Variants in ZNF665 observed in about 807,000 individuals in gnomAD.
The protein encoded by ZNF665 is zinc finger protein 665.
ZNF665 carries 6 observed loss-of-function variants against 7.9 expected under a neutral mutation model. That is an observed-to-expected ratio of 0.76 (90% CI 0.42 to 1.50). The LOEUF is 1.50. Among genes scored for constraint, ZNF665 ranks in the 40% most tolerant of loss-of-function variants. ZNF665 has a pLI of 0.01. For synonymous variants in ZNF665, 242 were observed against 274.5 expected, an observed-to-expected ratio of 0.88 and a Z score of 1.17; for missense variants, 819 against 806.7, an observed-to-expected ratio of 1.02 and a Z score of -0.18.
chr19:53,168,341 G>A (rs1442778340), intron 3 of ZNF665, among the ~76,000 whole-genome samples: 2 of 152,086 alleles, frequency 1.3e-5, no homozygotes, highest in African/African-American at 4.8e-5. Flanking sequence ...TTTCTAAAAT[G>A]CAGTTTGCAA....
intron 3 of ZNF665, among the ~76,000 whole-genome samples, chr19:53,171,930 T>C (rs2146851527): frequency 6.6e-6 from 1 of 152,162 alleles, no homozygotes; most frequent in Non-Finnish European, 1.5e-5. Flanking sequence ...ACTTTTTGTA[T>C]GTTTAGTAGA....
At chr19:53,171,458 T>C (rs2090656077) in intron 3 of ZNF665, among the ~76,000 whole-genome samples, 1 of 148,598 alleles carries the variant, frequency 6.7e-6, no homozygotes, top group Non-Finnish European at 1.5e-5. Context: ...AAATTAGTTC[T>C]ATACAATTAT....
At chr19:53,180,952 T>A (rs1253250407) in intron 2 of ZNF665, 1 of 152,188 alleles carries the variant, frequency 6.6e-6, no homozygotes, top group Non-Finnish European at 1.5e-5. Flanking sequence ...CATACATGAA[T>A]AGATTTCAGA....
intron 3 of ZNF665, among the ~76,000 whole-genome samples, chr19:53,167,700 C>T (rs2090626968): frequency 6.7e-6 from 1 of 150,062 alleles, no homozygotes; most frequent in South Asian, 2.2e-4. Flanking sequence ...CCCACCTCAG[C>T]CTCCTAAAGT....
intron 1 of ZNF665, among the ~76,000 whole-genome samples, chr19:53,192,038 C>T (rs1225191337): frequency 6.6e-6 from 1 of 151,954 alleles, no homozygotes; most frequent in Non-Finnish European, 1.5e-5. Context: ...GTGTTTCAGC[C>T]TGGGTCTCTG....
At position 53,165,887 on chromosome 19, in the gene ZNF665, A is replaced by G; in HGVS notation, c.603T>C (p.Thr201=). The G allele has an allele frequency of 1.2e-6, 2 of 1,614,214 alleles. No homozygotes were observed. The highest frequency in any genetic ancestry group is 1.7e-6 in the Non-Finnish European group (2 of 1,180,044). The part of the protein sequence containing the change: ...SRLTSHKRIH[T]GEKPYQCNKC... ...TATTACACTGGTAAGGCTTCTCTCC[A>G]GTATGAATTCTCTTATGACTTGTTA... Residue 201 remains threonine (T), a synonymous_variant, in exon 4 of 4, where the codon ACT becomes ACC. Coordinates refer to ENST00000396424, the MANE Select transcript of ZNF665 (RefSeq NM_024733.5).
intron 1 of ZNF665, among the ~76,000 whole-genome samples, chr19:53,188,890 G>A (rs10415526): frequency 0.4 from 60,874 of 151,666 alleles, 13,195 homozygotes; most frequent in East Asian, 0.75. Flanking sequence ...TAGAGAAGAC[G>A]TTTCATCATG....
intron 1 of ZNF665, among the ~76,000 whole-genome samples, chr19:53,192,120 T>C (rs1016843844): frequency 9.9e-5 from 15 of 152,048 alleles, no homozygotes; most frequent in Non-Finnish European, 1.8e-4. Context: ...ACTTGTTCTG[T>C]TCCATTCTTG....
chr19:53,164,749 C>T lies in ZNF665; in HGVS notation c.1741G>A (p.Val581Ile), dbSNP rs764606683. 35 of 1,614,060 alleles carry T rather than the reference C, an allele frequency of 2.2e-5. No homozygotes were observed. The highest frequency in any genetic ancestry group is 3.3e-5 in the South Asian group (3 of 91,088). The change falls in exon 4 of 4, where the codon GTA (valine) becomes ATA (isoleucine). Residue 581 changes from valine (V) to isoleucine (I), a missense_variant. Physicochemically the swap from Val to Ile is conservative, Grantham distance 29. Transcript: ENST00000396424. Reference sequence around the variant, plus strand: ...TGATGGGTAGCTAGGTTTGAATGTACACTAAATGCTTTGCCGCACTCATTA... The same window carrying T: ...TGATGGGTAGCTAGGTTTGAATGTATACTAAATGCTTTGCCGCACTCATTA... ...KCNECGKAFS[V>I]HSNLATHQVI...
chr19:53,171,007 AC>A (rs2090653010), intron 3 of ZNF665, among the ~76,000 whole-genome samples: 1 of 151,908 alleles, frequency 6.6e-6, no homozygotes. Context: ...TGTTTTCGAG[AC>A]GGAGTCTTGC....
intron 2 of ZNF665, chr19:53,182,543 T>A: frequency 1.5e-6 from 1 of 669,608 alleles, no homozygotes; most frequent in Non-Finnish European, 2.7e-6. Flanking sequence ...CAGCTTCTCT[T>A]ATCACAGTTT....
chr19:53,167,297 A>G (rs10454108), intron 3 of ZNF665, among the ~76,000 whole-genome samples: 78,675 of 151,888 alleles, frequency 0.52, 23,027 homozygotes, highest in South Asian at 0.71. Context: ...CACTGCGCCC[A>G]GCCCCAACAG....
intron 3 of ZNF665, among the ~76,000 whole-genome samples, chr19:53,166,613 T>C (rs1599870923): frequency 6.6e-6 from 1 of 152,294 alleles, no homozygotes; most frequent in East Asian, 1.9e-4. Flanking sequence ...ATATTAGCCC[T>C]GAAAGGAGTA....
At chr19:53,191,384 C>G (rs2090815699) in intron 1 of ZNF665, among the ~76,000 whole-genome samples, 1 of 152,142 alleles carries the variant, frequency 6.6e-6, no homozygotes, top group Admixed American at 6.5e-5. Context: ...GAGGGTGACC[C>G]ATAACTGAAT....
chr19:53,173,178 G>A (rs1435532239), intron 3 of ZNF665, among the ~76,000 whole-genome samples: 2 of 152,040 alleles, frequency 1.3e-5, no homozygotes, highest in Non-Finnish European at 2.9e-5. Context: ...CAGGTCTTAC[G>A]TTTAAGTATT....
At chr19:53,192,756 CG>C (rs1226423931) in intron 1 of ZNF665, among the ~76,000 whole-genome samples, 1 of 152,100 alleles carries the variant, frequency 6.6e-6, no homozygotes, top group Non-Finnish European at 1.5e-5. Context: ...GCAAGAACAC[CG>C]GGTATCACAG....
chr19:53,176,624 T>G (rs2090700244), intron 2 of ZNF665, among the ~76,000 whole-genome samples: 1 of 152,212 alleles, frequency 6.6e-6, no homozygotes, highest in Admixed American at 6.5e-5. Flanking sequence ...TGTTTGTGAA[T>G]GGCAATGAGG....
intron 2 of ZNF665, chr19:53,179,535 T>A (rs568647118): frequency 6.6e-6 from 1 of 151,386 alleles, no homozygotes; most frequent in Non-Finnish European, 1.5e-5. Context: ...AGGGCTGACA[T>A]GTGGAGGTTC....
chr19:53,165,427 A>G lies in ZNF665; in HGVS notation c.1063T>C (p.Phe355Leu). ...TTTGCAAGGTATGAATTGTGCCTGA[A>G]GACCTTGCCACATTCATTACATTTG... ...PYKCNECGKV[F>L]RHNSYLAKHR... is the part of the protein sequence containing the mutation. The change falls in exon 4 of 4, where the codon TTC becomes CTC. Residue 355 changes from phenylalanine (F) to leucine (L), a missense_variant. By Grantham distance (22) the Phe-to-Leu change is conservative. Transcript: ENST00000396424. 1.2e-6 allele frequency: 2 copies of G among 1,613,394 alleles called. No homozygotes were observed. Among genetic ancestry groups the G allele is most frequent in the Non-Finnish European group, 8.5e-7 (1 of 1,179,450 alleles).
Sources: gnomAD v4.1 joint callset for allele counts (sites outside exome capture counted in the v4.1 genomes callset) on GRCh38, gnomAD v4.1.1 for gene constraint, MANE v1.5 for transcripts, NCBI Gene and HGNC (gene_info 2026-07-23, HGNC 2026-07-21) for gene names.